The following CDS2 variants were observed in gnomAD, a reference collection of about 807,000 sequenced individuals.
CDS2 encodes the protein CDP-diacylglycerol synthase 2, also known as phosphatidate cytidylyltransferase 2.
Under a neutral mutation model 59.0 loss-of-function variants are expected in CDS2, and 47 were observed. The observed-to-expected ratio is 0.80, with a 90% CI of 0.63 to 1.02. The LOEUF is 1.02. Ranked by LOEUF, CDS2 falls within the 50% of genes least tolerant of loss-of-function variation. The pLI is 0.00. For missense variants in CDS2, 356 were observed against 558.9 expected (o/e 0.64, Z 3.66); for synonymous variants, 207 against 206.4 (o/e 1.00, Z -0.02).
chr20:5,138,434 G>T lies in CDS2; in HGVS notation c.57+11285G>T, dbSNP rs1226303996. 2.0e-5 allele frequency among the ~76,000 whole-genome samples: 3 copies of T among 152,050 alleles called. No individual in the cohort carries two copies. The East Asian group carries it at 5.8e-4, about 29-fold the overall frequency. ...GCATAGATTTATTTCTGAGTTCTCA[G>T]TTCTGTTCTATTTGTCTGGGTGTCT... On this transcript the variant is annotated intron_variant, in intron 1 of 12. Transcript: ENST00000460006.
chr20:5,149,228 C>T (rs2090769474), intron 1 of CDS2, among the ~76,000 whole-genome samples: 2 of 152,106 alleles, frequency 1.3e-5, no homozygotes, highest in African/African-American at 2.4e-5. Flanking sequence ...TTTCTCGTGG[C>T]CGTTTTATTT....
chr20:5,185,489 A>G (rs2091060795), intron 8 of CDS2, among the ~76,000 whole-genome samples: 6 of 152,154 alleles, frequency 3.9e-5, no homozygotes, highest in Admixed American at 3.9e-4. Context: ...ATTTTTTGGG[A>G]CTTTGATCTG....
chr20:5,169,911 G>T (rs998863663), intron 1 of CDS2, among the ~76,000 whole-genome samples: 1 of 152,196 alleles, frequency 6.6e-6, no homozygotes, highest in Non-Finnish European at 1.5e-5. Flanking sequence ...CCCCAGCAAG[G>T]CCTGATGCTC....
At chr20:5,131,155 C>T (rs940439322) in intron 1 of CDS2, among the ~76,000 whole-genome samples, 2 of 150,584 alleles carry the variant, frequency 1.3e-5, no homozygotes, top group African/African-American at 4.9e-5. Context: ...GTTACAGTTG[C>T]TTAACTGCTG....
chr20:5,170,703 G>C (rs938721572), intron 1 of CDS2, among the ~76,000 whole-genome samples: 32 of 152,216 alleles, frequency 2.1e-4, no homozygotes, highest in African/African-American at 6.8e-4. Context: ...TGAGGCCCAG[G>C]GAACCTGGAG....
rs1038267506 is a variant in CDS2 at position 5,191,430 on chromosome 20, C to T, written c.*1196C>T. 9 of 152,076 alleles carry T rather than the reference C, an allele frequency of 5.9e-5. No individual in the cohort carries two copies. Among genetic ancestry groups the T allele is most frequent in the African/African-American group, 2.2e-4 (9 of 41,400 alleles). The allele number at this position is 152,076 out of a possible 1,614,324, so 9.4% of individuals were successfully genotyped here. ...TAAACTGTGATTTTTTTTCCCCTCC[C>T]TAATTTCAGGGGTGAGATTGACTTT... On this transcript the variant is annotated 3_prime_UTR_variant, in exon 13 of 13. Coordinates refer to ENST00000460006, the MANE Select transcript of CDS2 (RefSeq NM_003818.4).
At chr20:5,189,888 G>A (rs369086958) in intron 12 of CDS2, 50 bp downstream of exon 12, 26 of 1,480,304 alleles carry the variant, frequency 1.8e-5, no homozygotes, top group Non-Finnish European at 2.4e-5. Flanking sequence ...TAAGTACGGT[G>A]CAATTCTAGA....
At position 5,197,638 on chromosome 20, in the gene CDS2, G is replaced by A. The variant is rs1042967152; in HGVS notation, c.*7404G>A. The A allele has an allele frequency of 6.6e-6, 1 of 151,844 alleles. No individual in the cohort carries two copies. Among genetic ancestry groups the A allele is most frequent in the Non-Finnish European group, 1.5e-5 (1 of 67,934 alleles). 9.4% of individuals were successfully genotyped at this position (151,844 alleles called of 1,614,324 possible). A position where few individuals can be genotyped will look rare whatever the true frequency, so the allele number is the denominator to read the frequency against. ...GCAGTTCTCGGTGTGTAGAGTCCACGTGACAGTCCCCACAGCCTCCCCAGA... is the reference window on the plus strand; with the variant it reads ...GCAGTTCTCGGTGTGTAGAGTCCACATGACAGTCCCCACAGCCTCCCCAGA... On this transcript the variant is annotated 3_prime_UTR_variant, in exon 13 of 13. Coordinates refer to ENST00000460006, the MANE Select transcript of CDS2 (RefSeq NM_003818.4).
At chr20:5,146,109 C>G (rs184682379) in intron 1 of CDS2, among the ~76,000 whole-genome samples, 82 of 152,288 alleles carry the variant, frequency 5.4e-4, no homozygotes, top group African/African-American at 1.7e-3. Flanking sequence ...AGACATGAAC[C>G]ACTGCGCCCA....
At position 5,168,284 on chromosome 20, in the gene CDS2, G is replaced by A. The variant is rs147692519; in HGVS notation, c.58-5239G>A. Among the ~76,000 whole-genome samples, 576 of 151,764 alleles carry A rather than the reference G, an allele frequency of 3.8e-3. 9 individuals are homozygous for A. Among genetic ancestry groups the A allele is most frequent in the African/African-American group, 0.013 (537 of 41,334 alleles). On this transcript the variant is annotated intron_variant, in intron 1 of 12. Transcript: ENST00000460006. ...ATAAAAATTATCTGGGCGTGTTGGC[G>A]GGCACTTGTAATCCTAGCTACTTGG...
At chr20:5,181,484 T>G (rs2091033386) in intron 5 of CDS2, among the ~76,000 whole-genome samples, 1 of 152,208 alleles carries the variant, frequency 6.6e-6, no homozygotes, top group Non-Finnish European at 1.5e-5. Context: ...AAAGCAAGTC[T>G]ATTAAGAAAG....
intron 12 of CDS2, 114 bp downstream of exon 12, chr20:5,189,952 A>G (rs1181041853): frequency 1.0e-5 from 14 of 1,336,652 alleles, no homozygotes; most frequent in Non-Finnish European, 1.4e-5. Flanking sequence ...TGCAGTTTTC[A>G]GTTGTTTCTG....
chr20:5,183,395 C>T (rs1006417150), intron 7 of CDS2, among the ~76,000 whole-genome samples: 1 of 152,140 alleles, frequency 6.6e-6, no homozygotes, highest in Non-Finnish European at 1.5e-5. Context: ...CTCTGAGAAC[C>T]ACTGTTCTAG....
At chr20:5,178,730 C>T in intron 4 of CDS2, 87 bp from the exon 5 acceptor site, 1 of 1,406,878 alleles carries the variant, frequency 7.1e-7, no homozygotes, top group Non-Finnish European at 1.0e-6. Flanking sequence ...TATTCTGCTG[C>T]CCTCTGTCCC....
intron 1 of CDS2, among the ~76,000 whole-genome samples, chr20:5,137,346 C>G (rs1331791786): frequency 6.6e-6 from 1 of 151,172 alleles, no homozygotes; most frequent in East Asian, 2.0e-4. Context: ...CAGGTTCAAG[C>G]AATTCTCCTG....
intron 1 of CDS2, among the ~76,000 whole-genome samples, chr20:5,137,813 T>G (rs1001970752): frequency 6.6e-6 from 1 of 151,780 alleles, no homozygotes; most frequent in African/African-American, 2.4e-5. Context: ...TTTGTTTTTT[T>G]TTTGAGACGG....
At position 5,195,469 on chromosome 20, in the gene CDS2, T is replaced by C. The variant is rs976206844; in HGVS notation, c.*5235T>C. On this transcript the variant is annotated 3_prime_UTR_variant, in exon 13 of 13. Coordinates refer to ENST00000460006, the MANE Select transcript of CDS2 (RefSeq NM_003818.4). ...TGGCCTGAGAATCCAGCTCACCTCCTCTGCCCACAGTCTGGACTGCTTGTG... is the reference window on the plus strand; with the variant it reads ...TGGCCTGAGAATCCAGCTCACCTCCCCTGCCCACAGTCTGGACTGCTTGTG... 1.3e-5 allele frequency: 2 copies of C among 152,322 alleles called. No individual in the cohort carries two copies. Among genetic ancestry groups the C allele is most frequent in the Admixed American group, 1.3e-4 (2 of 15,280 alleles). 9.4% of individuals were successfully genotyped at this position (152,322 alleles called of 1,614,324 possible).
intron 1 of CDS2, among the ~76,000 whole-genome samples, chr20:5,161,496 C>CAATCAATTG (rs2090876483): frequency 6.6e-6 from 1 of 152,192 alleles, no homozygotes; most frequent in Non-Finnish European, 1.5e-5. Flanking sequence ...CCCAAGGATT[C>CAATCAATTG]AATCAATTGA....
chr20:5,136,435 T>C (rs1179574856), intron 1 of CDS2, among the ~76,000 whole-genome samples: 1 of 152,222 alleles, frequency 6.6e-6, no homozygotes, highest in Non-Finnish European at 1.5e-5. Context: ...TTGTTTGTTG[T>C]CTGTTTGTTG....
Sources: allele counts gnomAD v4.1 joint callset (sites outside exome capture counted in the v4.1 genomes callset), GRCh38; gene constraint gnomAD v4.1.1; transcripts MANE v1.5; gene names NCBI Gene and HGNC (gene_info 2026-07-23, HGNC 2026-07-21).